TBC1D19: variants seen among roughly 807,000 people sequenced by gnomAD.
The protein encoded by TBC1D19 is TBC1 domain family member 19.
Under a neutral mutation model 89.0 loss-of-function variants are expected in TBC1D19, and 60 were observed. The ratio of observed to expected loss-of-function variants is 0.67; its 90% CI spans 0.55 to 0.84. TBC1D19 has a LOEUF of 0.84. Ranked by LOEUF, TBC1D19 falls within the 40% of genes least tolerant of loss-of-function variation. The pLI is 0.00. For synonymous variants in TBC1D19, 189 were observed against 199.7 expected (o/e 0.95, Z 0.45); for missense variants, 500 against 610.8 (o/e 0.82, Z 1.91).
intron 15 of TBC1D19, among the ~76,000 whole-genome samples, chr4:26,724,661 T>G (rs1055910856): frequency 2.0e-5 from 3 of 152,218 alleles, no homozygotes; most frequent in African/African-American, 7.2e-5. Flanking sequence ...GCAGATTGGC[T>G]GGGTATTGGG....
At chr4:26,588,742 T>G (rs1013128660) in intron 1 of TBC1D19, among the ~76,000 whole-genome samples, 3 of 152,240 alleles carry the variant, frequency 2.0e-5, no homozygotes, top group Non-Finnish European at 2.9e-5. Flanking sequence ...TCTCTTATGG[T>G]CAAGAATAAA....
At chr4:26,636,364 G>A (rs1242311745) in intron 4 of TBC1D19, among the ~76,000 whole-genome samples, 1 of 151,454 alleles carries the variant, frequency 6.6e-6, no homozygotes, top group Non-Finnish European at 1.5e-5. Flanking sequence ...TAATTTCCAT[G>A]TTATAAGAAA....
intron 1 of TBC1D19, among the ~76,000 whole-genome samples, chr4:26,604,148 CTTTTTTTTTTTT>C (rs1173641270): frequency 8.3e-5 from 10 of 120,700 alleles, no homozygotes; most frequent in South Asian, 2.5e-4. Flanking sequence ...TTTTCTTTTT[CTTTTTTTTTTTT>C]TTTTTTTTTT....
chr4:26,602,232 G>A (rs1265898583), intron 1 of TBC1D19, among the ~76,000 whole-genome samples: 3 of 152,120 alleles, frequency 2.0e-5, no homozygotes, highest in Non-Finnish European at 2.9e-5. Context: ...TAATGCAGTG[G>A]TTCTCAAAGT....
chr4:26,710,597 G>A (rs1716109416), intron 13 of TBC1D19, among the ~76,000 whole-genome samples: 1 of 152,136 alleles, frequency 6.6e-6, no homozygotes, highest in South Asian at 2.1e-4. Context: ...GATCCCTGAG[G>A]AATCACCACA....
chr4:26,694,528 C>A (rs987310650), intron 13 of TBC1D19, among the ~76,000 whole-genome samples: 3 of 152,144 alleles, frequency 2.0e-5, no homozygotes, highest in Non-Finnish European at 4.4e-5. Context: ...CGTCCCTGTT[C>A]GACAGCTTGA....
intron 7 of TBC1D19, among the ~76,000 whole-genome samples, chr4:26,646,293 A>T (rs1245581931): frequency 2.0e-5 from 3 of 152,216 alleles, no homozygotes; most frequent in African/African-American, 4.8e-5. Context: ...TAGAATGGTG[A>T]TCACTAAAAA....
chr4:26,621,693 G>C (rs1742058273), intron 4 of TBC1D19, among the ~76,000 whole-genome samples: 1 of 152,036 alleles, frequency 6.6e-6, no homozygotes, highest in Non-Finnish European at 1.5e-5. Flanking sequence ...GGAGATATTT[G>C]AGGAAGTATA....
chr4:26,819,878 C>T, the TBC1D19 span, among the ~76,000 whole-genome samples: 30 of 152,310 alleles, frequency 2.0e-4, no homozygotes, highest in East Asian at 3.9e-4. Flanking sequence ...TCAGAGCCAC[C>T]GTGCTTTCCC....
At chr4:26,832,245 T>A in the TBC1D19 span, among the ~76,000 whole-genome samples, 1 of 152,254 alleles carries the variant, frequency 6.6e-6, no homozygotes, top group South Asian at 2.1e-4. Flanking sequence ...AGTAAAACAA[T>A]CCTTTTGCCC....
At chr4:26,642,144 G>A (rs376574001) in intron 7 of TBC1D19, among the ~76,000 whole-genome samples, 5 of 152,188 alleles carry the variant, frequency 3.3e-5, no homozygotes, top group Non-Finnish European at 1.5e-5. Flanking sequence ...CACCAAGGTT[G>A]AAATGAAGGA....
intron 15 of TBC1D19, among the ~76,000 whole-genome samples, chr4:26,734,961 T>C (rs1243092424): frequency 2.7e-5 from 2 of 75,208 alleles, no homozygotes; most frequent in Admixed American, 1.2e-4. Context: ...CATATGTATA[T>C]GTATATATGT....
intron 3 of TBC1D19, among the ~76,000 whole-genome samples, chr4:26,618,505 G>C (rs1741835573): frequency 6.6e-6 from 1 of 152,186 alleles, no homozygotes; most frequent in South Asian, 2.1e-4. Flanking sequence ...AAGGGATCAT[G>C]GCTAAGGACG....
chr4:26,595,301 T>G (rs1388933776), intron 1 of TBC1D19, among the ~76,000 whole-genome samples: 1 of 152,214 alleles, frequency 6.6e-6, no homozygotes, highest in Admixed American at 6.5e-5. Flanking sequence ...TTGTTGAGTT[T>G]TAAGAATTTT....
intron 2 of TBC1D19, among the ~76,000 whole-genome samples, chr4:26,613,573 C>T (rs1328045055): frequency 6.6e-5 from 10 of 152,082 alleles, no homozygotes; most frequent in Non-Finnish European, 1.5e-5. Flanking sequence ...ATTGTGAAAA[C>T]TATGGCCAAA....
chr4:26,854,837 G>C, the TBC1D19 span, among the ~76,000 whole-genome samples: 2 of 151,226 alleles, frequency 1.3e-5, no homozygotes, highest in South Asian at 2.1e-4. Context: ...TCACTTGCTG[G>C]CTTAGCTCAT....
At chr4:26,694,122 A>G (rs983555682) in intron 13 of TBC1D19, among the ~76,000 whole-genome samples, 7 of 152,232 alleles carry the variant, frequency 4.6e-5, no homozygotes, top group South Asian at 4.2e-4. Context: ...GGGAAGCACA[A>G]GGGGTCAGGG....
At chr4:26,712,079 A>G (rs962219552) in intron 13 of TBC1D19, among the ~76,000 whole-genome samples, 2 of 152,096 alleles carry the variant, frequency 1.3e-5, no homozygotes, top group African/African-American at 4.8e-5. Flanking sequence ...TGCTAAACTA[A>G]GGGAAAGTTA....
In TBC1D19 at chr4:26,666,376, G is replaced by A. The variant is rs201835858; in HGVS notation, c.635G>A (p.Gly212Asp). The change falls in exon 9 of 21, where the codon GGT becomes GAT. Residue 212 changes from glycine (G) to aspartate (D), a missense_variant. By Grantham distance (94) the Gly-to-Asp change is moderately conservative. Around this residue, in one of 2 missense-constraint regions of TBC1D19, gnomAD observed 280 missense variants for 291.7 expected, o/e 0.96. Transcript: ENST00000264866. Reference sequence around the variant, plus strand: ...CTTGGCTTAAATATAGGACAACTGGGTATAGATGATTCTACACAAGTGCCT... The same window carrying A: ...CTTGGCTTAAATATAGGACAACTGGATATAGATGATTCTACACAAGTGCCT... ...VELGLNIGQL[G>D]IDDSTQVPPE... The A allele has an allele frequency of 3.1e-6, 5 of 1,610,542 alleles. No individual in the cohort carries two copies. Among genetic ancestry groups the A allele is most frequent in the Non-Finnish European group, 3.4e-6 (4 of 1,177,946 alleles).
Sources: gnomAD v4.1 joint callset for allele counts (sites outside exome capture counted in the v4.1 genomes callset) on GRCh38, gnomAD v4.1.1 for gene constraint, gnomAD v4.1.1 regional missense constraint, MANE v1.5 for transcripts, NCBI Gene and HGNC (gene_info 2026-07-23, HGNC 2026-07-21) for gene names.